PRXL2C: variants seen among roughly 807,000 people sequenced by gnomAD.
PRXL2C encodes the protein peroxiredoxin like 2C.
In PRXL2C, 38 loss-of-function variants were observed where a neutral mutation model predicts 24.9. That is an observed-to-expected ratio of 1.53 (90% CI 1.18 to 2.00). The LOEUF (loss-of-function observed/expected upper bound fraction) is 2.00, where lower values mean the gene tolerates loss of function less well. Ranked by LOEUF, PRXL2C falls within the 30% of genes most tolerant of loss-of-function variation. PRXL2C has a pLI of 0.00. For missense variants in PRXL2C, 294 were observed against 290.9 expected (o/e 1.01, Z -0.08); for synonymous variants, 98 against 117.2 (o/e 0.84, Z 1.06).
At chr9:96,654,891 C>A in intron 1 of PRXL2C, 118 bp from the exon 2 acceptor site, 4 of 1,235,248 alleles carry the variant, frequency 3.2e-6, no homozygotes, top group East Asian at 3.0e-5. Context: ...GGGCCGGGAC[C>A]GGCGGCTCGG....
chr9:96,654,801 A>G (rs1848328164), intron 1 of PRXL2C, 28 bp from the exon 2 acceptor site: 2 of 1,548,924 alleles, frequency 1.3e-6, no homozygotes, highest in East Asian at 4.8e-5. Flanking sequence ...AGAAAGGGCA[A>G]GTTAGTAAAG....
rs561504054 is a variant in PRXL2C at position 96,644,689 on chromosome 9, G to GTTGGCCA, written c.553+1203_553+1204insTGGCCAA. Among the ~76,000 whole-genome samples the GTTGGCCA allele has an allele frequency of 2.6e-3, 401 of 151,380 alleles. 4 individuals carry two copies. The highest frequency in any genetic ancestry group is 8.7e-3 in the African/African-American group (358 of 41,274). ...TTTAGTAGAGATGGGGTTTCACCAA[G>GTTGGCCA]GGCTGGTCTGGAACTCCTGGCCTCA... On this transcript the variant is annotated intron_variant, in intron 5 of 5. Coordinates refer to ENST00000375234, the MANE Select transcript of PRXL2C (RefSeq NM_153698.2).
chr9:96,645,604 T>C (rs1368069640), intron 5 of PRXL2C, among the ~76,000 whole-genome samples: 2 of 151,872 alleles, frequency 1.3e-5, no homozygotes. Context: ...GAGACCATCC[T>C]GGCTAACACG....
At position 96,639,612 on chromosome 9, in the gene PRXL2C, C is replaced by A. The variant is rs1848088920; in HGVS notation, c.*2147G>T. On this transcript the variant is annotated 3_prime_UTR_variant, in exon 6 of 6. Coordinates refer to ENST00000375234, the MANE Select transcript of PRXL2C (RefSeq NM_153698.2). The stretch of plus-strand genomic sequence containing the variant: ...AAATTTCATTTTTATTGAATAAAAA[C>A]ATTATACAAACATGAAGATATATTC... 6.6e-6 allele frequency: 1 copy of A among 152,008 alleles called. No homozygotes were observed. Among genetic ancestry groups the A allele is most frequent in the African/African-American group, 2.4e-5 (1 of 41,378 alleles). 9.4% of individuals were successfully genotyped at this position (152,008 alleles called of 1,614,324 possible).
chr9:96,651,544 A>G, intron 3 of PRXL2C, 49 bp from the exon 4 acceptor site: 1 of 1,569,086 alleles, frequency 6.4e-7, no homozygotes, highest in Non-Finnish European at 8.7e-7. Flanking sequence ...ATGAGAGAAA[A>G]GTAATGATAC....
In PRXL2C at chr9:96,641,720, C is replaced by A; in HGVS notation, c.*39G>T. 6.6e-7 allele frequency: 1 copy of A among 1,520,808 alleles called. No individual in the cohort carries two copies. Among genetic ancestry groups the A allele is most frequent in the Non-Finnish European group, 8.9e-7 (1 of 1,118,334 alleles). The allele number at this position is 1,520,808 out of a possible 1,614,324, so 94.2% of individuals were successfully genotyped here. ...ACACCCAGGCATTGAAGGTCACATT[C>A]CAGAAGGTCCAGTTGAAAGTGACTG... On this transcript the variant is annotated 3_prime_UTR_variant, in exon 6 of 6. Transcript: ENST00000375234.
chr9:96,654,974 A>G, intron 1 of PRXL2C, 116 bp downstream of exon 1: 1 of 1,288,414 alleles, frequency 7.8e-7, no homozygotes. Flanking sequence ...AGCGGCCGCG[A>G]CTGGGCAGGC....
chr9:96,654,819 C>T (rs1391838412), intron 1 of PRXL2C, 46 bp from the exon 2 acceptor site: 1 of 1,521,586 alleles, frequency 6.6e-7, no homozygotes, highest in Non-Finnish European at 8.9e-7. Flanking sequence ...AAGCAGCACC[C>T]TCGGGCCCCG....
intron 2 of PRXL2C, among the ~76,000 whole-genome samples, chr9:96,653,240 GAAGA>G (rs368833572): frequency 6.7e-6 from 1 of 149,142 alleles, no homozygotes; most frequent in African/African-American, 2.5e-5. Context: ...AAAAAAAAAA[GAAGA>G]AAAGAAAATA....
rs1057262241 is a variant in PRXL2C at position 96,645,814 on chromosome 9, AAAAG to A, written c.553+75_553+78del. On this transcript the variant is annotated intron_variant, in intron 5 of 5. Transcript: ENST00000375234. ...TCCCTCTCGAAAAAAAAAAAAAAGG[AAAAG>A]AAAAGAAAATGGCGGCCTCTGAACT... The A allele has an allele frequency of 9.3e-6, 13 of 1,404,224 alleles. No homozygotes were observed. The African/African-American group carries it at 1.8e-4, about 19-fold the overall frequency. The allele number at this position is 1,404,224 out of a possible 1,614,324, so 87.0% of individuals were successfully genotyped here.
intron 4 of PRXL2C, among the ~76,000 whole-genome samples, chr9:96,649,292 C>T (rs1564409419): frequency 2.7e-5 from 4 of 150,784 alleles, no homozygotes; most frequent in East Asian, 2.0e-4. Flanking sequence ...GAGCCGGGTG[C>T]GGTGGCTCAT....
At chr9:96,644,006 G>A (rs7847700) in intron 5 of PRXL2C, among the ~76,000 whole-genome samples, 2,630 of 151,862 alleles carry the variant, frequency 0.017, 68 homozygotes, top group African/African-American at 0.06. Flanking sequence ...GGTGGCAGGC[G>A]CCTGTAGTCC....
chr9:96,649,601 T>C (rs1848243789), intron 4 of PRXL2C, among the ~76,000 whole-genome samples: 1 of 150,866 alleles, frequency 6.6e-6, no homozygotes, highest in Non-Finnish European at 1.5e-5. Context: ...AACCCATCAA[T>C]AAAGGGATCA....
At chr9:96,643,143 G>A (rs1174620609) in intron 5 of PRXL2C, among the ~76,000 whole-genome samples, 1 of 152,150 alleles carries the variant, frequency 6.6e-6, no homozygotes, top group Admixed American at 6.5e-5. Context: ...TCAGATTCTG[G>A]GATCCACTGC....
At chr9:96,646,347 G>A (rs1361649608) in intron 4 of PRXL2C, among the ~76,000 whole-genome samples, 2 of 152,192 alleles carry the variant, frequency 1.3e-5, no homozygotes, top group East Asian at 1.9e-4. Context: ...TAAAGGAAAC[G>A]TGATGACGGA....
intron 2 of PRXL2C, among the ~76,000 whole-genome samples, chr9:96,652,833 T>C (rs529089255): frequency 1.3e-5 from 2 of 152,326 alleles, no homozygotes; most frequent in African/African-American, 4.8e-5. Flanking sequence ...GAAATCAGTA[T>C]GTTGAAGAGA....
intron 4 of PRXL2C, among the ~76,000 whole-genome samples, chr9:96,646,500 C>T (rs1459078197): frequency 6.6e-6 from 1 of 152,220 alleles, no homozygotes; most frequent in Non-Finnish European, 1.5e-5. Flanking sequence ...GACATTGTGA[C>T]ACAGACTGCT....
At position 96,654,983 on chromosome 9, in the gene PRXL2C, G is replaced by T. The variant is rs533238776; in HGVS notation, c.192+107C>A. On this transcript the variant is annotated intron_variant, in intron 1 of 5. Coordinates refer to ENST00000375234, the MANE Select transcript of PRXL2C (RefSeq NM_153698.2). ...TTGGGAAGCGGCCGCGACTGGGCAGGCTGCCTTCCCGTTTCCGTCCTAAGA... is the reference window on the plus strand; with the variant it reads ...TTGGGAAGCGGCCGCGACTGGGCAGTCTGCCTTCCCGTTTCCGTCCTAAGA... The T allele has an allele frequency of 1.7e-5, 22 of 1,319,256 alleles. No homozygotes were observed. The South Asian group carries it at 3.3e-4, about 20-fold the overall frequency. The allele number at this position is 1,319,256 out of a possible 1,614,324, so 81.7% of individuals were successfully genotyped here.
intron 2 of PRXL2C, 140 bp from the exon 3 acceptor site, chr9:96,651,852 TGA>T: frequency 3.3e-6 from 2 of 610,288 alleles, no homozygotes; most frequent in East Asian, 5.7e-5. Flanking sequence ...CAAAATTGTG[TGA>T]GTTAATGCAA....
Sources: gnomAD v4.1 joint callset for allele counts (sites outside exome capture counted in the v4.1 genomes callset) on GRCh38, gnomAD v4.1.1 for gene constraint, MANE v1.5 for transcripts, NCBI Gene and HGNC (gene_info 2026-07-23, HGNC 2026-07-21) for gene names.